FRMD6: variants seen among roughly 807,000 people sequenced by gnomAD.
The protein encoded by FRMD6 is FERM domain containing 6.
Under a neutral mutation model 73.2 loss-of-function variants are expected in FRMD6, and 37 were observed. The observed-to-expected ratio is 0.51, with a 90% CI of 0.39 to 0.66. FRMD6 has a LOEUF of 0.66. Among genes scored for constraint, FRMD6 ranks in the 30% least tolerant of loss-of-function variants. FRMD6 has a pLI of 0.00. For missense variants in FRMD6, 714 were observed against 780.5 expected (o/e 0.91, Z 1.02); for synonymous variants, 273 against 282.2 (o/e 0.97, Z 0.33).
At chr14:51,427,000 C>T in the FRMD6 span, among the ~76,000 whole-genome samples, 1 of 152,180 alleles carries the variant, frequency 6.6e-6, no homozygotes, top group African/African-American at 2.4e-5. Flanking sequence ...GAACAGTTAC[C>T]AATTTTTCTT....
At chr14:51,704,971 T>A (rs771951070) in intron 6 of FRMD6, 36 bp downstream of exon 6, 2 of 1,566,878 alleles carry the variant, frequency 1.3e-6, no homozygotes, top group South Asian at 2.3e-5. Flanking sequence ...GAGTGTTTTC[T>A]CTCGGGCATT....
intron 2 of FRMD6, among the ~76,000 whole-genome samples, chr14:51,576,646 C>A (rs891326043): frequency 1.3e-5 from 2 of 152,136 alleles, no homozygotes; most frequent in Non-Finnish European, 2.9e-5. Flanking sequence ...TCTCTTTGAC[C>A]CTCAGCATGT....
upstream of FRMD6, among the ~76,000 whole-genome samples, chr14:51,484,603 C>A (rs767129183): frequency 6.6e-6 from 1 of 152,202 alleles, no homozygotes; most frequent in Non-Finnish European, 1.5e-5. Flanking sequence ...CAAATAGCAA[C>A]AGGAGAAGCA....
At chr14:51,483,293 A>T in the FRMD6 span, among the ~76,000 whole-genome samples, 2 of 152,244 alleles carry the variant, frequency 1.3e-5, no homozygotes, top group African/African-American at 2.4e-5. Context: ...TCCTCAAATG[A>T]TGCAAGTACT....
chr14:51,538,166 C>T (rs556534994), intron 1 of FRMD6, among the ~76,000 whole-genome samples: 7 of 152,060 alleles, frequency 4.6e-5, no homozygotes, highest in Non-Finnish European at 8.8e-5. Context: ...TGATCCATCT[C>T]GAGTTAATTT....
the FRMD6 span, among the ~76,000 whole-genome samples, chr14:51,441,883 A>G: frequency 6.6e-6 from 1 of 152,256 alleles, no homozygotes; most frequent in Admixed American, 6.5e-5. Context: ...GTGCTTGAAA[A>G]TTATATACTA....
intron 2 of FRMD6, among the ~76,000 whole-genome samples, chr14:51,622,059 C>G (rs539475645): frequency 1.3e-5 from 2 of 152,186 alleles, no homozygotes. Context: ...ATCAGTGATA[C>G]CACATCTGGG....
chr14:51,437,577 C>G, the FRMD6 span, among the ~76,000 whole-genome samples: 2 of 152,214 alleles, frequency 1.3e-5, no homozygotes, highest in African/African-American at 2.4e-5. Context: ...GCTGGGATTA[C>G]AGGCGTGAGC....
chr14:51,442,818 C>A, the FRMD6 span, among the ~76,000 whole-genome samples: 2 of 152,204 alleles, frequency 1.3e-5, no homozygotes, highest in Non-Finnish European at 2.9e-5. Flanking sequence ...TTAGTATAAC[C>A]ATTTTGGTAC....
chr14:51,728,197 A>G lies in FRMD6; in HGVS notation c.*168A>G, dbSNP rs774742989. The G allele has an allele frequency of 1.5e-6, 1 of 649,874 alleles. No individual in the cohort carries two copies. Among genetic ancestry groups the G allele is most frequent in the Non-Finnish European group, 2.6e-6 (1 of 389,862 alleles). 40.3% of individuals were successfully genotyped at this position (649,874 alleles called of 1,614,324 possible). ...AAAAGCCTTGGAACAATTGCACTTT[A>G]AGTATTACACAGAAGTAAAAGAACT... On this transcript the variant is annotated 3_prime_UTR_variant, in exon 14 of 14. Transcript: ENST00000344768.
At chr14:51,485,350 T>C (rs1049984357), upstream of FRMD6, among the ~76,000 whole-genome samples, 3 of 152,220 alleles carry the variant, frequency 2.0e-5, no homozygotes, top group Admixed American at 2.0e-4. Context: ...ATTTAAGGCC[T>C]ACCCTAATCC....
At chr14:51,698,312 G>T in intron 3 of FRMD6, 80 bp downstream of exon 3, 1 of 886,226 alleles carries the variant, frequency 1.1e-6, no homozygotes. Context: ...ACTTAAATTG[G>T]GCCTATTGTT....
the FRMD6 span, among the ~76,000 whole-genome samples, chr14:51,400,953 T>A: frequency 6.6e-6 from 1 of 152,262 alleles, no homozygotes; most frequent in Admixed American, 6.5e-5. Context: ...GCATTAAATA[T>A]CTATGCAGAT....
At position 51,727,825 on chromosome 14, in the gene FRMD6, C is replaced by T. The variant is rs1215565474; in HGVS notation, c.1665C>T (p.Phe555=). The T allele has an allele frequency of 6.2e-7, 1 of 1,614,026 alleles. No homozygotes were observed. The highest frequency in any genetic ancestry group is 8.5e-7 in the Non-Finnish European group (1 of 1,179,964). ...ACATCAGACTTTACCAGAAAGACTT[C>T]CTGCGCATTGCAGGTCTGTGTCAGG... ...LDDIRLYQKD[F]LRIAGLCQDT... The change falls in exon 14 of 14, where the codon TTC becomes TTT. Residue 555 remains phenylalanine, a synonymous_variant. Transcript: ENST00000344768.
At chr14:51,633,531 G>A (rs757075405) in intron 2 of FRMD6, among the ~76,000 whole-genome samples, 2 of 143,028 alleles carry the variant, frequency 1.4e-5, no homozygotes, top group Non-Finnish European at 3.0e-5. Context: ...AGCCCAGGAG[G>A]TGGAGACTGC....
the FRMD6 span, among the ~76,000 whole-genome samples, chr14:51,425,024 G>A: frequency 3.3e-5 from 5 of 152,276 alleles, no homozygotes; most frequent in South Asian, 8.3e-4. Context: ...AGGGAATTCC[G>A]GGTCATGGTT....
chr14:51,402,641 CT>C, the FRMD6 span, among the ~76,000 whole-genome samples: 48,381 of 127,746 alleles, frequency 0.38, 8,387 homozygotes, highest in African/African-American at 0.54. Flanking sequence ...TTTTTCTTTT[CT>C]TTTTTTTTTT....
chr14:51,700,981 C>A, intron 3 of FRMD6, 75 bp from the exon 4 acceptor site: 1 of 663,240 alleles, frequency 1.5e-6, no homozygotes, highest in Non-Finnish European at 2.4e-6. Context: ...TTAAAAGAAA[C>A]TTGTTTCTTT....
chr14:51,518,289 C>T (rs1884749365), intron 1 of FRMD6, among the ~76,000 whole-genome samples: 1 of 152,092 alleles, frequency 6.6e-6, no homozygotes, highest in Non-Finnish European at 1.5e-5. Context: ...ATTTAGAAAT[C>T]AAGGACACAA....
Sources: gnomAD v4.1 joint callset for allele counts (sites outside exome capture counted in the v4.1 genomes callset) on GRCh38, gnomAD v4.1.1 for gene constraint, MANE v1.5 for transcripts, NCBI Gene and HGNC (gene_info 2026-07-23, HGNC 2026-07-21) for gene names.